DENND3: variants seen among roughly 807,000 people sequenced by gnomAD.
DENND3 encodes the protein DENN domain-containing protein 3.
A neutral mutation model predicts 135.1 loss-of-function variants in DENND3; 88 were observed. That is an observed-to-expected ratio of 0.65 (90% confidence interval 0.55 to 0.78). The LOEUF is 0.78. Among genes scored for constraint, DENND3 ranks in the 30% least tolerant of loss-of-function variants. The probability of loss-of-function intolerance (pLI) is 0.00; values close to 1 mark genes in which losing one functional copy is unlikely to be tolerated. For synonymous variants in DENND3, 693 were observed against 712.3 expected, an observed-to-expected ratio of 0.97 and a Z score of 0.43; for missense variants, 1,392 against 1,688.4, an observed-to-expected ratio of 0.82 and a Z score of 3.08.
Position 141,190,256 on chromosome 8 carries a change from GGT to G in DENND3, c.3246-15_3246-14del, listed in dbSNP as rs144171689. On this transcript the variant is annotated intron_variant, in intron 19 of 22. Transcript: ENST00000519811. ...AGTGTTTTCAGGGGCCCAAGTTAAA[GGT>G]GTGTGTGTGTGTTTTGTGCCCCCAG... 5.1e-4 allele frequency: 783 copies of G among 1,526,236 alleles called. No individual in the cohort carries two copies. The highest frequency in any genetic ancestry group is 1.5e-3 in the South Asian group (117 of 77,594). The allele number at this position is 1,526,236 out of a possible 1,614,324, so 94.5% of individuals were successfully genotyped here.
Position 141,182,529 on chromosome 8 carries a change from C to T in DENND3, c.2944+1675C>T. 1.0e-6 allele frequency: 1 copy of T among 973,550 alleles called. No individual in the cohort carries two copies. Among genetic ancestry groups the T allele is most frequent in the South Asian group, 4.8e-5 (1 of 21,044 alleles). The allele number at this position is 973,550 out of a possible 1,614,324, so 60.3% of individuals were successfully genotyped here. A position where few individuals can be genotyped will look rare whatever the true frequency, so the allele number is the denominator to read the frequency against. On this transcript the variant is annotated intron_variant, in intron 17 of 22. Transcript: ENST00000519811. This position sits in a 1 kb window ranked among gnomAD's most constrained non-coding sequence, Gnocchi z 5.9. ...GTTGGTTTCCCTGAAATGAAACTCA[C>T]TCTGAGCTTCCTGTTGTGACGGGCG... is the stretch of plus-strand genomic sequence containing the variant.
rs143166778 is a variant in DENND3, at chr8:141,169,437, A to C, written c.2275+912A>C. On this transcript the variant is annotated intron_variant, in intron 13 of 22. Coordinates refer to ENST00000519811, the MANE Select transcript of DENND3 (RefSeq NM_001352890.3). Reference sequence around the variant, plus strand: ...ATGAAGACGCTCCTTGTCCGGGAGAATTGCTCAGCATCTGCACAGAACCAT... The same window carrying C: ...ATGAAGACGCTCCTTGTCCGGGAGACTTGCTCAGCATCTGCACAGAACCAT... Among the ~76,000 whole-genome samples the C allele has an allele frequency of 4.2e-3, 638 of 152,370 alleles. 2 individuals are homozygous for C. The highest frequency in any genetic ancestry group is 0.02 in the Middle Eastern group (6 of 294).
intron 4 of DENND3, chr8:141,142,343 A>G (rs307765): frequency 0.5 from 226,941 of 456,100 alleles, 59,963 homozygotes; most frequent in African/African-American, 0.79. Context: ...TTGTGTCATC[A>G]TGCTGGAGAA....
chr8:141,130,520 A>G lies in DENND3; in HGVS notation c.102+1711A>G, dbSNP rs1815898638. Among the ~76,000 whole-genome samples, 1 of 152,128 alleles carries G rather than the reference A, an allele frequency of 6.6e-6. No individual in the cohort carries two copies. ...AGGGGTTTGGCAAAGGGTGGAGAGAAAAGTAGTGAAGGACTAAGAAAATAA... is the reference window on the plus strand; with the variant it reads ...AGGGGTTTGGCAAAGGGTGGAGAGAGAAGTAGTGAAGGACTAAGAAAATAA... On this transcript the variant is annotated intron_variant, in intron 1 of 22. Coordinates refer to ENST00000519811, the MANE Select transcript of DENND3 (RefSeq NM_001352890.3). The surrounding 1 kb of genome is among the most constrained non-coding windows in gnomAD (Gnocchi z 4.2).
At position 141,147,411 on chromosome 8, in the gene DENND3, T is replaced by C. The variant is rs1035137023; in HGVS notation, c.735+3152T>C. ...TCCTGCAGCCTGGACCCTGTCTCAC[T>C]GTCCAGCTCTGTTTTATGCCACTCC... is the stretch of plus-strand genomic sequence containing the variant. On this transcript the variant is annotated intron_variant, in intron 5 of 22. Transcript: ENST00000519811. Among the ~76,000 whole-genome samples the C allele has an allele frequency of 3.3e-5, 5 of 152,240 alleles. No individual in the cohort carries two copies. The East Asian group carries it at 9.6e-4, about 29-fold the overall frequency.
At chr8:141,190,028 C>T (rs1021384525) in intron 19 of DENND3, among the ~76,000 whole-genome samples, 1 of 152,160 alleles carries the variant, frequency 6.6e-6, no homozygotes, top group Non-Finnish European at 1.5e-5. Flanking sequence ...CCGAGAAACC[C>T]GCCTTTTCCT....
In DENND3 at chr8:141,128,894, G is replaced by C; in HGVS notation, c.102+85G>C. 1 of 1,042,782 alleles carries C rather than the reference G, an allele frequency of 9.6e-7. No homozygotes were observed. The highest frequency in any genetic ancestry group is 2.2e-5 in the South Asian group (1 of 45,478). The allele number at this position is 1,042,782 out of a possible 1,614,324, so 64.6% of individuals were successfully genotyped here. A position where few individuals can be genotyped will look rare whatever the true frequency, so the allele number is the denominator to read the frequency against. Reference sequence around the variant, plus strand: ...CGGAGAGCGGGCGCCCGGGTGCCCTGTGGGTTGGCGCGGACTTTCCGAGGG... The same window carrying C: ...CGGAGAGCGGGCGCCCGGGTGCCCTCTGGGTTGGCGCGGACTTTCCGAGGG... On this transcript the variant is annotated intron_variant, in intron 1 of 22. Coordinates refer to ENST00000519811, the MANE Select transcript of DENND3 (RefSeq NM_001352890.3). This position sits in a 1 kb window ranked among gnomAD's most constrained non-coding sequence, Gnocchi z 4.5.
chr8:141,186,055 C>T (rs1046443044), intron 18 of DENND3, among the ~76,000 whole-genome samples: 3 of 151,588 alleles, frequency 2.0e-5, no homozygotes, highest in African/African-American at 4.8e-5. Context: ...GGATCCACCT[C>T]GGTCTCCTGA....
In DENND3 at chr8:141,176,860, G is replaced by T. The variant is rs1822437984; in HGVS notation, c.2706+99G>T. 9.3e-6 allele frequency: 13 copies of T among 1,393,692 alleles called. No homozygotes were observed. In the South Asian group the frequency reaches 1.5e-4, roughly 17 times the overall value. 86.3% of individuals were successfully genotyped at this position (1,393,692 alleles called of 1,614,324 possible). On this transcript the variant is annotated intron_variant, in intron 15 of 22. Coordinates refer to ENST00000519811, the MANE Select transcript of DENND3 (RefSeq NM_001352890.3). The stretch of plus-strand genomic sequence containing the variant: ...GCAGTCCTCAGCTGTGAGTGCTCGG[G>T]CTCGGGTCTGAGTGTCTTAAGCAGA...
rs1478371285 is a variant in DENND3, at chr8:141,194,367, G to A, written c.*134G>A. 44 of 1,114,790 alleles carry A rather than the reference G, an allele frequency of 3.9e-5. No homozygotes were observed. The highest frequency in any genetic ancestry group is 5.6e-5 in the Non-Finnish European group (44 of 789,670). 69.1% of individuals were successfully genotyped at this position (1,114,790 alleles called of 1,614,324 possible). A position where few individuals can be genotyped will look rare whatever the true frequency, so the allele number is the denominator to read the frequency against. ...AGGCTCAGCATGGAGCCCACTTACC[G>A]TGTGGCCAGCCGCGAGACCCATGGC... is the stretch of plus-strand genomic sequence containing the variant. On this transcript the variant is annotated 3_prime_UTR_variant, in exon 23 of 23. Transcript: ENST00000519811.
intron 15 of DENND3, 43 bp downstream of exon 15, chr8:141,176,804 CAG>C (rs1491027275): frequency 1.4e-5 from 23 of 1,597,840 alleles, no homozygotes; most frequent in Non-Finnish European, 1.7e-5. Context: ...GTGGCTGCCT[CAG>C]GGGCCTCTCG....
At chr8:141,183,741 T>G (rs76764810) in intron 17 of DENND3, among the ~76,000 whole-genome samples, 3,197 of 143,144 alleles carry the variant, frequency 0.022, 73 homozygotes, top group African/African-American at 0.065. Context: ...GTTTTGTTTT[T>G]TTTTTTTTTT....
At chr8:141,158,192 G>A (rs1819678271) in intron 8 of DENND3, 2 of 1,289,638 alleles carry the variant, frequency 1.6e-6, no homozygotes, top group Non-Finnish European at 2.0e-6. Flanking sequence ...CTCCTCCCCA[G>A]CCAAGGGCAC....
In DENND3 at chr8:141,150,952, A is replaced by G; in HGVS notation, c.854A>G (p.Gln285Arg). 1.9e-6 allele frequency: 3 copies of G among 1,562,250 alleles called. No homozygotes were observed. Among genetic ancestry groups the G allele is most frequent in the Non-Finnish European group, 2.6e-6 (3 of 1,158,714 alleles). ...LLCFRPEKVL[Q>R]ILTCILTEQR... ...TGCTTCAGGCCTGAGAAGGTGCTAC[A>G]GGTACGCGGCCCCGCCCCGGCGAGC... Residue 285 changes from glutamine (Q) to arginine (R), a missense_variant and splice_region_variant, in exon 6 of 23, where the codon CAG (glutamine) becomes CGG (arginine). Coordinates refer to ENST00000519811, the MANE Select transcript of DENND3 (RefSeq NM_001352890.3).
chr8:141,158,841 G>C (rs1349420879), intron 8 of DENND3, among the ~76,000 whole-genome samples: 1 of 152,182 alleles, frequency 6.6e-6, no homozygotes, highest in Non-Finnish European at 1.5e-5. Context: ...TGCTGGCTGC[G>C]TGCTTGGGTG....
chr8:141,143,264 G>A (rs1475919011), intron 4 of DENND3, among the ~76,000 whole-genome samples: 8 of 152,026 alleles, frequency 5.3e-5, no homozygotes, highest in Admixed American at 5.2e-4. Flanking sequence ...AGTATGGGTA[G>A]TTTTTTTTAA....
Position 141,141,432 on chromosome 8 carries a change from T to C in DENND3, c.623+108T>C. 1 of 1,135,926 alleles carries C rather than the reference T, an allele frequency of 8.8e-7. No individual in the cohort carries two copies. The highest frequency in any genetic ancestry group is 1.2e-6 in the Non-Finnish European group (1 of 822,318). The allele number at this position is 1,135,926 out of a possible 1,614,324, so 70.4% of individuals were successfully genotyped here. A position where few individuals can be genotyped will look rare whatever the true frequency, so the allele number is the denominator to read the frequency against. On this transcript the variant is annotated intron_variant, in intron 4 of 22. Coordinates refer to ENST00000519811, the MANE Select transcript of DENND3 (RefSeq NM_001352890.3). The surrounding 1 kb of genome is among the most constrained non-coding windows in gnomAD (Gnocchi z 5.3). Reference sequence around the variant, plus strand: ...GAGGTGGTGGGGGGGCAGCTCTCTGTTCCTCTCCTGGTGAGCCGGGGGACC... The same window carrying C: ...GAGGTGGTGGGGGGGCAGCTCTCTGCTCCTCTCCTGGTGAGCCGGGGGACC...
rs1818222751 is a variant in DENND3, at chr8:141,146,972, C to T, written c.735+2713C>T. ...CAGTTTCAGGGTCAGCAGTAATGAGCTGCACTCGGCCTTTGAACATAAGGA... is the reference window on the plus strand; with the variant it reads ...CAGTTTCAGGGTCAGCAGTAATGAGTTGCACTCGGCCTTTGAACATAAGGA... On this transcript the variant is annotated intron_variant, in intron 5 of 22. Coordinates refer to ENST00000519811, the MANE Select transcript of DENND3 (RefSeq NM_001352890.3). The surrounding 1 kb of genome is among the most constrained non-coding windows in gnomAD (Gnocchi z 4.3). 6.6e-6 allele frequency among the ~76,000 whole-genome samples: 1 copy of T among 152,210 alleles called. No homozygotes were observed. Among genetic ancestry groups the T allele is most frequent in the Non-Finnish European group, 1.5e-5 (1 of 68,046 alleles).
intron 19 of DENND3, among the ~76,000 whole-genome samples, chr8:141,189,885 C>T (rs1312325318): frequency 6.6e-6 from 1 of 152,184 alleles, no homozygotes; most frequent in Non-Finnish European, 1.5e-5. Context: ...CTCTGAGGAT[C>T]GTGCTGGCTC....
Sources: gnomAD v4.1 joint callset for allele counts (sites outside exome capture counted in the v4.1 genomes callset) on GRCh38, gnomAD v4.1.1 for gene constraint, Gnocchi (gnomAD v3.1) non-coding constraint, MANE v1.5 for transcripts, NCBI Gene and HGNC (gene_info 2026-07-23, HGNC 2026-07-21) for gene names.